The following ATP9A variants were observed in gnomAD, a reference collection of about 807,000 sequenced individuals.
The protein encoded by ATP9A is probable phospholipid-transporting ATPase IIA.
Under a neutral mutation model 144.1 loss-of-function variants are expected in ATP9A, and 52 were observed. The observed-to-expected ratio is 0.36, with a 90% confidence interval of 0.29 to 0.45. ATP9A has a LOEUF of 0.45. Ranked by LOEUF, ATP9A falls within the 20% of genes least tolerant of loss-of-function variation. ATP9A has a pLI of 1.00. For synonymous variants in ATP9A, 582 were observed against 557.4 expected, an observed-to-expected ratio of 1.04 and a Z score of -0.62; for missense variants, 947 against 1,392.7, an observed-to-expected ratio of 0.68 and a Z score of 5.09.
intron 14 of ATP9A, among the ~76,000 whole-genome samples, chr20:51,644,621 T>C (rs2077334669): frequency 6.6e-6 from 1 of 152,160 alleles, no homozygotes; most frequent in South Asian, 2.1e-4. Flanking sequence ...TACGCATTTC[T>C]TTTACGTTTA....
intron 14 of ATP9A, among the ~76,000 whole-genome samples, chr20:51,646,161 A>G (rs1220754000): frequency 6.6e-6 from 1 of 152,176 alleles, no homozygotes; most frequent in Admixed American, 6.6e-5. Flanking sequence ...CATGTGAGGG[A>G]CTCAGGCCAG....
At chr20:51,644,733 C>T (rs1208710557) in intron 14 of ATP9A, among the ~76,000 whole-genome samples, 1 of 151,966 alleles carries the variant, frequency 6.6e-6, no homozygotes, top group East Asian at 1.9e-4. Flanking sequence ...TCCTTATATA[C>T]CTATTAAGTA....
intron 14 of ATP9A, among the ~76,000 whole-genome samples, chr20:51,647,476 G>A (rs767932458): frequency 2.4e-4 from 37 of 151,190 alleles, no homozygotes; most frequent in Middle Eastern, 7.1e-3. Flanking sequence ...CCTTAAACCC[G>A]GGAGGCGGAG....
rs199714300 is a variant in ATP9A at position 51,696,614 on chromosome 20, T to TG, written c.496-471dup. ...CAACAAAAGCCATTCTAAAAAAAAC[T>TG]GGGGGGTGTGGGGAGCCAGTAGCCC... On this transcript the variant is annotated intron_variant, in intron 5 of 27. Transcript: ENST00000338821. Among the ~76,000 whole-genome samples, 1,022 of 152,182 alleles carry TG rather than the reference T, an allele frequency of 6.7e-3. 6 individuals carry two copies. The highest frequency in any genetic ancestry group is 0.023 in the African/African-American group (950 of 41,520).
rs1394168408 is a variant in ATP9A at position 51,718,831 on chromosome 20, A to C, written c.328-5757T>G. 1.2e-4 allele frequency among the ~76,000 whole-genome samples: 13 copies of C among 104,954 alleles called. No homozygotes were observed. The South Asian group carries it at 3.6e-3, about 29-fold the overall frequency. The allele number at this position is 104,954 out of a possible 152,430, so 68.9% of individuals were successfully genotyped here. A position where few individuals can be genotyped will look rare whatever the true frequency, so the allele number is the denominator to read the frequency against. On this transcript the variant is annotated intron_variant, in intron 3 of 27. Coordinates refer to ENST00000338821, the MANE Select transcript of ATP9A (RefSeq NM_006045.3). ...CTCCATCTCAAAAAAAAAAAAAAAA[A>C]AAAAAAAAAAAAAACAGGCCGGGTG...
chr20:51,698,486 C>T (rs1257981798), intron 4 of ATP9A, among the ~76,000 whole-genome samples: 1 of 152,198 alleles, frequency 6.6e-6, no homozygotes, highest in Admixed American at 6.5e-5. Context: ...GATCATGTCA[C>T]TCCGGCCTGG....
intron 7 of ATP9A, among the ~76,000 whole-genome samples, chr20:51,691,096 C>T (rs2122818772): frequency 6.6e-6 from 1 of 152,314 alleles, no homozygotes; most frequent in South Asian, 2.1e-4. Flanking sequence ...TGATGCTACA[C>T]ACCTATGAAT....
At chr20:51,665,761 C>T (rs972810320) in intron 13 of ATP9A, among the ~76,000 whole-genome samples, 1 of 116,158 alleles carries the variant, frequency 8.6e-6, no homozygotes, top group African/African-American at 2.6e-5. Flanking sequence ...AATGAATAAC[C>T]CAGGGGAAAA....
At chr20:51,732,327 C>T (rs2077745467) in intron 1 of ATP9A, 1 of 152,460 alleles carries the variant, frequency 6.6e-6, no homozygotes, top group Non-Finnish European at 1.5e-5. Context: ...AGGTCCCAGC[C>T]CTGCCAGCCC....
At chr20:51,643,011 T>C (rs906705500) in intron 14 of ATP9A, among the ~76,000 whole-genome samples, 1 of 152,144 alleles carries the variant, frequency 6.6e-6, no homozygotes, top group Non-Finnish European at 1.5e-5. Flanking sequence ...TTGGAGTAGA[T>C]GACTATTTCT....
At chr20:51,703,855 T>C (rs138548769) in intron 4 of ATP9A, among the ~76,000 whole-genome samples, 4 of 152,328 alleles carry the variant, frequency 2.6e-5, no homozygotes, top group African/African-American at 9.6e-5. Flanking sequence ...AGGGCACTGA[T>C]TGCTTTTGTA....
chr20:51,742,234 A>T (rs1489698616), intron 1 of ATP9A, among the ~76,000 whole-genome samples: 1 of 151,734 alleles, frequency 6.6e-6, no homozygotes, highest in Admixed American at 6.6e-5. Context: ...CTAAGGACGA[A>T]GGATTGCTTG....
rs1010294303 is a variant in ATP9A at position 51,597,532 on chromosome 20, A to T, written c.*3679T>A. ...GATGACATCATTCTCTCGCTCTTTC[A>T]CACACACACACACCCCCCACACACT... On this transcript the variant is annotated 3_prime_UTR_variant, in exon 28 of 28. Transcript: ENST00000338821. The T allele has an allele frequency of 6.6e-6, 1 of 151,700 alleles. No homozygotes were observed. Among genetic ancestry groups the T allele is most frequent in the African/African-American group, 2.4e-5 (1 of 41,324 alleles). 9.4% of individuals were successfully genotyped at this position (151,700 alleles called of 1,614,324 possible).
intron 19 of ATP9A, 152 bp from the exon 20 acceptor site, chr20:51,619,195 TC>T (rs2077216078): frequency 3.1e-6 from 2 of 635,328 alleles, no homozygotes; most frequent in Non-Finnish European, 2.8e-6. Context: ...CCAAATGGAA[TC>T]CTATTGGTTG....
chr20:51,674,764 C>T (rs1416637826), intron 10 of ATP9A, among the ~76,000 whole-genome samples: 1 of 152,156 alleles, frequency 6.6e-6, no homozygotes, highest in East Asian at 1.9e-4. Flanking sequence ...GCCTGAAAGT[C>T]TGGGGCGCAC....
At position 51,645,485 on chromosome 20, in the gene ATP9A, G is replaced by A. The variant is rs766835226; in HGVS notation, c.1507-5981C>T. On this transcript the variant is annotated intron_variant, in intron 14 of 27. Coordinates refer to ENST00000338821, the MANE Select transcript of ATP9A (RefSeq NM_006045.3). ...CAGTGAGCCAAGATCGCGCCTGGGC[G>A]ACAGAGTGAGACTCCGTCTCAAAAC... is the stretch of plus-strand genomic sequence containing the variant. Among the ~76,000 whole-genome samples, 55 of 152,144 alleles carry A rather than the reference G, an allele frequency of 3.6e-4. 1 individual carries two copies. In the Middle Eastern group the frequency reaches 0.01, roughly 28 times the overall value.
intron 12 of ATP9A, among the ~76,000 whole-genome samples, 160 bp from the exon 13 acceptor site, chr20:51,670,269 A>G (rs1287494003): frequency 6.6e-6 from 1 of 152,196 alleles, no homozygotes; most frequent in African/African-American, 2.4e-5. Context: ...TTGCCTGCCT[A>G]GAATCCCATT....
At chr20:51,701,154 C>G (rs1441635783) in intron 4 of ATP9A, among the ~76,000 whole-genome samples, 1 of 152,114 alleles carries the variant, frequency 6.6e-6, no homozygotes, top group Admixed American at 6.5e-5. Context: ...TGATCACACC[C>G]GGGTTCAGAT....
At chr20:51,606,774 G>T (rs539376622) in intron 26 of ATP9A, among the ~76,000 whole-genome samples, 15 of 152,270 alleles carry the variant, frequency 9.9e-5, no homozygotes, top group African/African-American at 3.6e-4. Context: ...AGACTCAGAA[G>T]GCTGAGGTAG....
Sources: allele counts gnomAD v4.1 joint callset (sites outside exome capture counted in the v4.1 genomes callset), GRCh38; gene constraint gnomAD v4.1.1; transcripts MANE v1.5; gene names NCBI Gene and HGNC (gene_info 2026-07-23, HGNC 2026-07-21).